Variants in GKAP1 observed in about 807,000 individuals in gnomAD.
The protein encoded by GKAP1 is G kinase-anchoring protein 1.
Under a neutral mutation model 56.7 loss-of-function variants are expected in GKAP1, and 31 were observed. The observed-to-expected ratio is 0.55, with a 90% CI of 0.41 to 0.74. The LOEUF is 0.74. Among genes scored for constraint, GKAP1 ranks in the 30% least tolerant of loss-of-function variants. GKAP1 has a pLI of 0.00. For missense variants in GKAP1, 364 were observed against 402.3 expected (o/e 0.90, Z 0.82); for synonymous variants, 151 against 138.6 (o/e 1.09, Z -0.63).
chr9:83,799,685 G>A (rs1416010464), intron 3 of GKAP1, among the ~76,000 whole-genome samples: 1 of 152,182 alleles, frequency 6.6e-6, no homozygotes, highest in Admixed American at 6.5e-5. Context: ...TGGGCTCAGT[G>A]GCTCACCCCT....
intron 12 of GKAP1, among the ~76,000 whole-genome samples, chr9:83,740,777 C>T (rs184970627): frequency 1.3e-5 from 2 of 152,264 alleles, no homozygotes; most frequent in East Asian, 3.9e-4. Flanking sequence ...GTGGTTGTAT[C>T]AGGGGCATAT....
chr9:83,815,391 C>T (rs1399456285), intron 2 of GKAP1, among the ~76,000 whole-genome samples: 1 of 151,594 alleles, frequency 6.6e-6, no homozygotes, highest in African/African-American at 2.4e-5. Context: ...GGATTACAGG[C>T]ATGCACCACC....
At chr9:83,767,749 A>G (rs1191595500) in intron 8 of GKAP1, among the ~76,000 whole-genome samples, 1 of 152,014 alleles carries the variant, frequency 6.6e-6, no homozygotes, top group Non-Finnish European at 1.5e-5. Context: ...GTGCAGTGGC[A>G]CCATCTTGGC....
chr9:83,783,293 T>C (rs1437433568), intron 6 of GKAP1, among the ~76,000 whole-genome samples: 2 of 152,186 alleles, frequency 1.3e-5, no homozygotes, highest in African/African-American at 2.4e-5. Flanking sequence ...CTGACGGGTA[T>C]AGACACAGCG....
At chr9:83,773,304 G>T (rs575230958) in intron 7 of GKAP1, among the ~76,000 whole-genome samples, 1 of 152,270 alleles carries the variant, frequency 6.6e-6, no homozygotes, top group East Asian at 1.9e-4. Flanking sequence ...TCCATTATAG[G>T]TTACAAGAAA....
At chr9:83,775,927 G>T (rs1943854198) in intron 7 of GKAP1, among the ~76,000 whole-genome samples, 1 of 139,228 alleles carries the variant, frequency 7.2e-6, no homozygotes, top group Non-Finnish European at 1.6e-5. Context: ...AAAAAGAAAT[G>T]AATCTATCAA....
At chr9:83,753,078 C>G (rs1433093848) in intron 9 of GKAP1, among the ~76,000 whole-genome samples, 180 bp downstream of exon 9, 1 of 96,762 alleles carries the variant, frequency 1.0e-5, no homozygotes, top group African/African-American at 3.3e-5. Flanking sequence ...ACAACAACAA[C>G]AACATAAATA....
Position 83,759,182 on chromosome 9 carries a change from T to A in GKAP1, c.739-5823A>T, listed in dbSNP as rs533325161. ...CTGAGGATATCCATGATTACAGATT[T>A]TGTCGTTCTTTTCCTTTGTTAAAGT... On this transcript the variant is annotated intron_variant, in intron 8 of 12. Coordinates refer to ENST00000376371, the MANE Select transcript of GKAP1 (RefSeq NM_025211.4). Among the ~76,000 whole-genome samples, 18 of 152,328 alleles carry A rather than the reference T, an allele frequency of 1.2e-4. No individual in the cohort carries two copies. The South Asian group carries it at 2.1e-3, about 18-fold the overall frequency.
intron 2 of GKAP1, among the ~76,000 whole-genome samples, chr9:83,811,152 T>G (rs1944500960): frequency 6.6e-6 from 1 of 152,252 alleles, no homozygotes; most frequent in Non-Finnish European, 1.5e-5. Flanking sequence ...CATGAGGCGC[T>G]ATGAGGCATA....
At position 83,739,631 on chromosome 9, in the gene GKAP1, AAT is replaced by A; in HGVS notation, c.*64_*65del. On this transcript the variant is annotated 3_prime_UTR_variant, in exon 13 of 13. Coordinates refer to ENST00000376371, the MANE Select transcript of GKAP1 (RefSeq NM_025211.4). ...ATAGTTTAGCAGTTGCACAGCATTA[AAT>A]ATATACAACTTTGCAAAATCCTGGA... 1 of 1,313,848 alleles carries A rather than the reference AAT, an allele frequency of 7.6e-7. No individual in the cohort carries two copies. Among genetic ancestry groups the A allele is most frequent in the Non-Finnish European group, 1.1e-6 (1 of 936,408 alleles). The allele number at this position is 1,313,848 out of a possible 1,614,324, so 81.4% of individuals were successfully genotyped here. A position where few individuals can be genotyped will look rare whatever the true frequency, so the allele number is the denominator to read the frequency against.
At chr9:83,795,156 C>CAAAAAAAAAAAAAAAAAAAAA (rs1031439217) in intron 4 of GKAP1, among the ~76,000 whole-genome samples, 1 of 64,492 alleles carries the variant, frequency 1.6e-5, no homozygotes, top group Non-Finnish European at 3.0e-5. Flanking sequence ...GACTCCATCT[C>CAAAAAAAAAAAAAAAAAAAAA]AAAAAAAAAA....
chr9:83,795,864 T>G (rs1003760785), intron 4 of GKAP1, among the ~76,000 whole-genome samples: 2 of 152,028 alleles, frequency 1.3e-5, no homozygotes, highest in African/African-American at 4.8e-5. Context: ...TAAGTGTGTT[T>G]CTTTCACATT....
intron 2 of GKAP1, among the ~76,000 whole-genome samples, chr9:83,816,695 C>A (rs1217980033): frequency 6.6e-6 from 1 of 152,180 alleles, no homozygotes; most frequent in African/African-American, 2.4e-5. Context: ...AAAAGTGTCT[C>A]CGGCTTTTTA....
chr9:83,770,364 C>A (rs1239461961), intron 7 of GKAP1, among the ~76,000 whole-genome samples: 2 of 152,214 alleles, frequency 1.3e-5, no homozygotes, highest in Admixed American at 1.3e-4. Flanking sequence ...ATTCACTCTT[C>A]TGCATGACAA....
At chr9:83,767,179 TCTCAC>T (rs1158153191) in intron 8 of GKAP1, among the ~76,000 whole-genome samples, 1 of 152,128 alleles carries the variant, frequency 6.6e-6, no homozygotes, top group Non-Finnish European at 1.5e-5. Context: ...TTGGAGTAGG[TCTCAC>T]CTCTTCCTGG....
At position 83,742,609 on chromosome 9, in the gene GKAP1, A is replaced by C. The variant is rs777374864; in HGVS notation, c.905-9T>G. ...TTCTGCCTTATCTTTCACTGACAAA[A>C]AAGGAAAAACAGCAGTATAGATTTT... On this transcript the variant is annotated splice_polypyrimidine_tract_variant and intron_variant, in intron 10 of 12. Transcript: ENST00000376371. 6.2e-7 allele frequency: 1 copy of C among 1,606,144 alleles called. No individual in the cohort carries two copies. The highest frequency in any genetic ancestry group is 8.5e-7 in the Non-Finnish European group (1 of 1,174,758).
chr9:83,793,783 G>A (rs1944201388), intron 4 of GKAP1, among the ~76,000 whole-genome samples: 1 of 152,164 alleles, frequency 6.6e-6, no homozygotes, highest in Admixed American at 6.6e-5. Flanking sequence ...GAGCAGAAAA[G>A]GAAAGTTATA....
intron 7 of GKAP1, among the ~76,000 whole-genome samples, chr9:83,773,303 G>A (rs1181213871): frequency 6.6e-6 from 1 of 152,120 alleles, no homozygotes; most frequent in Non-Finnish European, 1.5e-5. Context: ...GTCCATTATA[G>A]GTTACAAGAA....
intron 6 of GKAP1, 94 bp downstream of exon 6, chr9:83,784,621 C>T (rs1218473878): frequency 2.2e-6 from 2 of 921,082 alleles, no homozygotes; most frequent in Non-Finnish European, 3.1e-6. Flanking sequence ...ATAACTTTTA[C>T]TTATTGTTTA....
Sources: allele counts gnomAD v4.1 joint callset (sites outside exome capture counted in the v4.1 genomes callset), GRCh38; gene constraint gnomAD v4.1.1; transcripts MANE v1.5; gene names NCBI Gene and HGNC (gene_info 2026-07-23, HGNC 2026-07-21).